The following PPM1E variants were observed in gnomAD, a reference collection of about 807,000 sequenced individuals.
The protein encoded by PPM1E is protein phosphatase, Mg2+/Mn2+ dependent 1E.
A neutral mutation model predicts 65.9 loss-of-function variants in PPM1E; 20 were observed. That is an observed-to-expected ratio of 0.30 (90% confidence interval 0.21 to 0.44). PPM1E has a LOEUF of 0.44. Among genes scored for constraint, PPM1E ranks in the 20% least tolerant of loss-of-function variants. The pLI is 1.00. For synonymous variants in PPM1E, 352 were observed against 374.9 expected (o/e 0.94, Z 0.70); for missense variants, 713 against 953.1 (o/e 0.75, Z 3.32).
At chr17:58,839,450 A>T (rs1243711751) in intron 1 of PPM1E, among the ~76,000 whole-genome samples, 2 of 152,192 alleles carry the variant, frequency 1.3e-5, no homozygotes, top group African/African-American at 4.8e-5. Flanking sequence ...CACCGAAGGG[A>T]TGGGGAGAAA....
chr17:58,841,210 A>C (rs2050714343), intron 1 of PPM1E, among the ~76,000 whole-genome samples: 1 of 152,196 alleles, frequency 6.6e-6, no homozygotes, highest in South Asian at 2.1e-4. Context: ...AATAATGCTA[A>C]TTATATTATC....
At position 58,980,633 on chromosome 17, in the gene PPM1E, G is replaced by A. The variant is rs769256860; in HGVS notation, c.1870G>A (p.Gly624Arg). The A allele has an allele frequency of 1.2e-6, 2 of 1,614,174 alleles. No individual in the cohort carries two copies. The highest frequency in any genetic ancestry group is 1.6e-4 in the Middle Eastern group (1 of 6,062). Reference sequence around the variant, plus strand: ...ATCATTGCCTGAATGGAGTGGTGCTGGAGAGTTTCCCACTGCTTTCAATTT... The same window carrying A: ...ATCATTGCCTGAATGGAGTGGTGCTAGAGAGTTTCCCACTGCTTTCAATTT... ...QSSLPEWSGA[G>R]EFPTAFNLGS... The change falls in exon 7 of 7, where the codon GGA (glycine) becomes AGA (arginine). Residue 624 changes from glycine to arginine, a missense_variant. Transcript: ENST00000308249. The surrounding 1 kb of genome is among the most constrained non-coding windows in gnomAD (Gnocchi z 4.7).
At chr17:58,879,860 C>A (rs923584973) in intron 1 of PPM1E, among the ~76,000 whole-genome samples, 6 of 152,118 alleles carry the variant, frequency 3.9e-5, no homozygotes, top group Non-Finnish European at 8.8e-5. Flanking sequence ...CACACATTTC[C>A]AGAACCCTTG....
At chr17:58,931,084 AAAGAAAG>A (rs1359691507) in intron 1 of PPM1E, among the ~76,000 whole-genome samples, 2,712 of 105,438 alleles carry the variant, frequency 0.026, 99 homozygotes, top group African/African-American at 0.071. Context: ...AAAAAAAAAA[AAAGAAAG>A]AAAGAAAGAA....
chr17:58,828,562 T>A (rs1044405521), intron 1 of PPM1E, among the ~76,000 whole-genome samples: 1 of 152,072 alleles, frequency 6.6e-6, no homozygotes, highest in African/African-American at 2.4e-5. Flanking sequence ...CCTCCTAGGT[T>A]CAAGTGATTC....
At chr17:58,976,487 C>T (rs1275304571) in intron 6 of PPM1E, among the ~76,000 whole-genome samples, 2 of 152,120 alleles carry the variant, frequency 1.3e-5, no homozygotes, top group African/African-American at 4.8e-5. Flanking sequence ...GACTCCTGGG[C>T]AGAGTTCAGC....
rs144622348 is a variant in PPM1E at position 58,797,626 on chromosome 17, A to T, written c.464+41165A>T. 5.7e-3 allele frequency among the ~76,000 whole-genome samples: 869 copies of T among 152,314 alleles called. 5 individuals carry two copies. The highest frequency in any genetic ancestry group is 9.2e-3 in the African/African-American group (382 of 41,582). On this transcript the variant is annotated intron_variant, in intron 1 of 6. Coordinates refer to ENST00000308249, the MANE Select transcript of PPM1E (RefSeq NM_014906.5). ...TTCATTTATTCTCCTGTTGATGGACATCTGAGCGGTTTCCATTTTTTTGGC... is the reference window on the plus strand; with the variant it reads ...TTCATTTATTCTCCTGTTGATGGACTTCTGAGCGGTTTCCATTTTTTTGGC...
chr17:58,961,263 A>G (rs990422951), intron 2 of PPM1E, among the ~76,000 whole-genome samples: 6 of 152,248 alleles, frequency 3.9e-5, no homozygotes, highest in African/African-American at 1.4e-4. Flanking sequence ...TTTAATTTAT[A>G]TAACAGTTTA....
chr17:58,795,664 A>G (rs9904677), intron 1 of PPM1E, among the ~76,000 whole-genome samples: 50,474 of 152,150 alleles, frequency 0.33, 8,892 homozygotes, highest in East Asian at 0.49. Flanking sequence ...TGTTTGTGCC[A>G]CTGCACTGTA....
At chr17:58,793,046 C>T (rs1425956511) in intron 1 of PPM1E, among the ~76,000 whole-genome samples, 1 of 151,996 alleles carries the variant, frequency 6.6e-6, no homozygotes, top group Non-Finnish European at 1.5e-5. Flanking sequence ...TTACGCCCAG[C>T]CGAATTTTAC....
intron 1 of PPM1E, among the ~76,000 whole-genome samples, chr17:58,857,182 A>G (rs4453568): frequency 0.14 from 21,909 of 152,144 alleles, 2,453 homozygotes; most frequent in East Asian, 0.31. Context: ...GCTTTTACAT[A>G]ACCACAGTAC....
At chr17:58,796,054 T>G (rs889502036) in intron 1 of PPM1E, among the ~76,000 whole-genome samples, 1 of 152,142 alleles carries the variant, frequency 6.6e-6, no homozygotes, top group African/African-American at 2.4e-5. Context: ...TTTTGTCAAT[T>G]TTTTTTGTTG....
At chr17:58,788,867 TA>T (rs1163091385) in intron 1 of PPM1E, among the ~76,000 whole-genome samples, 1 of 152,182 alleles carries the variant, frequency 6.6e-6, no homozygotes, top group Non-Finnish European at 1.5e-5. Context: ...ACTAAAGAGT[TA>T]AAGAAGTGAA....
At chr17:58,888,356 T>TTC (rs1039621351) in intron 1 of PPM1E, among the ~76,000 whole-genome samples, 1 of 144,672 alleles carries the variant, frequency 6.9e-6, no homozygotes, top group African/African-American at 2.6e-5. Context: ...TTTTGGACTC[T>TTC]TCTCTCTTTT....
At chr17:58,823,351 T>C (rs369375900) in intron 1 of PPM1E, among the ~76,000 whole-genome samples, 1 of 152,298 alleles carries the variant, frequency 6.6e-6, no homozygotes, top group African/African-American at 2.4e-5. Context: ...AAGACAGACT[T>C]ACTTGAAATT....
At chr17:58,818,729 A>G (rs561313890) in intron 1 of PPM1E, among the ~76,000 whole-genome samples, 1 of 152,284 alleles carries the variant, frequency 6.6e-6, no homozygotes, top group Middle Eastern at 3.4e-3. Flanking sequence ...ATTATTTTTG[A>G]GTGCTTCTCT....
At chr17:58,927,955 G>A (rs770266187) in intron 1 of PPM1E, among the ~76,000 whole-genome samples, 73 of 151,990 alleles carry the variant, frequency 4.8e-4, no homozygotes, top group Non-Finnish European at 8.2e-4. Context: ...AGCTACTCAG[G>A]AGGTTGAGGC....
intron 1 of PPM1E, among the ~76,000 whole-genome samples, chr17:58,933,961 G>A (rs998099940): frequency 6.6e-6 from 1 of 151,940 alleles, no homozygotes; most frequent in Non-Finnish European, 1.5e-5. Context: ...TGGATGTGGC[G>A]GCACGCGCCT....
At chr17:58,773,184 A>G (rs2049957753) in intron 1 of PPM1E, among the ~76,000 whole-genome samples, 2 of 152,152 alleles carry the variant, frequency 1.3e-5, no homozygotes, top group South Asian at 4.1e-4. Context: ...TAAATGTACT[A>G]AAAGTACTAA....
Sources: gnomAD v4.1 joint callset for allele counts (sites outside exome capture counted in the v4.1 genomes callset) on GRCh38, gnomAD v4.1.1 for gene constraint, Gnocchi (gnomAD v3.1) non-coding constraint, MANE v1.5 for transcripts, NCBI Gene and HGNC (gene_info 2026-07-23, HGNC 2026-07-21) for gene names.